TRERF1: variants seen among roughly 807,000 people sequenced by gnomAD.
TRERF1 encodes the protein transcriptional regulating factor 1, also known as transcriptional-regulating factor 1.
In TRERF1, 27 loss-of-function variants were observed where a neutral mutation model predicts 122.9. That is an observed-to-expected ratio of 0.22 (90% CI 0.16 to 0.30). The LOEUF is 0.30. TRERF1 is among the 10% of genes least tolerant of loss of function. The pLI is 1.00. For synonymous variants in TRERF1, 636 were observed against 641.7 expected (o/e 0.99, Z 0.13); for missense variants, 1,248 against 1,560.3 (o/e 0.80, Z 3.37).
In TRERF1 at chr6:42,268,856, C is replaced by A. The variant is rs534232936; in HGVS notation, c.735G>T (p.Val245=). Residue 245 remains valine, a synonymous_variant, in exon 5 of 18, where the codon GTG becomes GTT. Transcript: ENST00000372922. The surrounding 1 kb of genome is among the most constrained non-coding windows in gnomAD (Gnocchi z 4.4). The stretch of plus-strand genomic sequence containing the variant: ...GGGCCTGCAGTGGCTGTCCTCCCTG[C>A]ACTGGCACCTGAGCCAGAGGCTGCT... 1.2e-6 allele frequency: 2 copies of A among 1,614,144 alleles called. No individual in the cohort carries two copies. The highest frequency in any genetic ancestry group is 1.1e-5 in the South Asian group (1 of 91,088).
chr6:42,282,508 A>G lies in TRERF1; in HGVS notation c.-258-12660T>C, dbSNP rs1391518316. On this transcript the variant is annotated intron_variant, in intron 4 of 17. Transcript: ENST00000372922. ...GGCTGCAGTGAGCCATGATGGCGCC[A>G]TTGCATTCCAGCCTGGGTGACAGAG... 3.3e-5 allele frequency among the ~76,000 whole-genome samples: 5 copies of G among 152,200 alleles called. No individual in the cohort carries two copies. The East Asian group carries it at 7.7e-4, about 23-fold the overall frequency.
chr6:42,415,640 T>C (rs992720853), intron 2 of TRERF1, among the ~76,000 whole-genome samples: 5 of 152,320 alleles, frequency 3.3e-5, no homozygotes, highest in African/African-American at 1.2e-4. Flanking sequence ...ACATTTGAAA[T>C]ACTGCGTTTA....
chr6:42,327,356 G>C (rs1764470331), intron 3 of TRERF1, among the ~76,000 whole-genome samples: 1 of 152,206 alleles, frequency 6.6e-6, no homozygotes, highest in African/African-American at 2.4e-5. Context: ...GTAAAATAAA[G>C]CACAGGTATC....
rs150351937 is a variant in TRERF1, at chr6:42,320,370, T to C, written c.-370-19621A>G. ...TAGCCTATTGGCTCTTACATTGACATAGGACAACAATTTAAACAGATTCAA... is the reference window on the plus strand; with the variant it reads ...TAGCCTATTGGCTCTTACATTGACACAGGACAACAATTTAAACAGATTCAA... On this transcript the variant is annotated intron_variant, in intron 3 of 17. Coordinates refer to ENST00000372922, the Ensembl canonical transcript of TRERF1. Among the ~76,000 whole-genome samples the C allele has an allele frequency of 7.9e-5, 12 of 152,270 alleles. No homozygotes were observed. The East Asian group carries it at 2.3e-3, about 29-fold the overall frequency.
chr6:42,421,201 G>A (rs1013492666), intron 2 of TRERF1, among the ~76,000 whole-genome samples: 2 of 152,208 alleles, frequency 1.3e-5, no homozygotes, highest in Non-Finnish European at 2.9e-5. Context: ...ACTTGGCAAA[G>A]TGCCTTCCAT....
intron 17 of TRERF1, among the ~76,000 whole-genome samples, chr6:42,229,071 C>T (rs1264226720): frequency 6.6e-6 from 1 of 152,204 alleles, no homozygotes; most frequent in Non-Finnish European, 1.5e-5. Flanking sequence ...TGAAACAACC[C>T]ACCATCTGCC....
intron 2 of TRERF1, among the ~76,000 whole-genome samples, chr6:42,407,802 C>T (rs1050508541): frequency 1.9e-4 from 29 of 151,668 alleles, no homozygotes; most frequent in African/African-American, 6.8e-4. Context: ...TCAAATAAGC[C>T]CTATACCTGT....
intron 3 of TRERF1, among the ~76,000 whole-genome samples, chr6:42,308,006 A>T (rs946379958): frequency 1.3e-5 from 2 of 152,250 alleles, no homozygotes; most frequent in African/African-American, 2.4e-5. Flanking sequence ...CACCCTATGC[A>T]TTCCCAGTAG....
intron 5 of TRERF1, 51 bp from the exon 6 acceptor site, chr6:42,265,848 T>C (rs1330462882): frequency 6.3e-7 from 1 of 1,592,632 alleles, no homozygotes; most frequent in Non-Finnish European, 8.6e-7. Context: ...AAAAAACGTG[T>C]TCTGAAGGGA....
At chr6:42,397,623 A>G (rs1778816598) in intron 2 of TRERF1, among the ~76,000 whole-genome samples, 1 of 152,128 alleles carries the variant, frequency 6.6e-6, no homozygotes, top group Non-Finnish European at 1.5e-5. Context: ...TTGTCTTTTC[A>G]GGTTTCATGG....
At chr6:42,314,568 A>C (rs1762183178) in intron 3 of TRERF1, among the ~76,000 whole-genome samples, 1 of 152,236 alleles carries the variant, frequency 6.6e-6, no homozygotes, top group South Asian at 2.1e-4. Flanking sequence ...TGGAGATTTC[A>C]TTTTAATAGG....
At chr6:42,400,392 G>A (rs1779215649) in intron 2 of TRERF1, among the ~76,000 whole-genome samples, 1 of 152,218 alleles carries the variant, frequency 6.6e-6, no homozygotes, top group African/African-American at 2.4e-5. Context: ...TAACTATCCT[G>A]TGAGGTGGGG....
intron 4 of TRERF1, among the ~76,000 whole-genome samples, chr6:42,288,255 C>T (rs966673719): frequency 6.6e-6 from 1 of 151,860 alleles, no homozygotes; most frequent in African/African-American, 2.4e-5. Context: ...TAATTTTACA[C>T]CTGTCATGAG....
intron 3 of TRERF1, among the ~76,000 whole-genome samples, chr6:42,322,954 C>T (rs1484407381): frequency 2.0e-5 from 3 of 151,916 alleles, no homozygotes; most frequent in African/African-American, 7.3e-5. Flanking sequence ...GTCTCCCAGG[C>T]CACAGCAGGG....
intron 3 of TRERF1, among the ~76,000 whole-genome samples, chr6:42,336,099 G>A (rs1268331518): frequency 6.6e-6 from 1 of 152,300 alleles, no homozygotes; most frequent in East Asian, 1.9e-4. Flanking sequence ...TACCACATGG[G>A]ACAGCGCAGG....
chr6:42,285,215 T>C (rs906308051), intron 4 of TRERF1, among the ~76,000 whole-genome samples: 1 of 152,126 alleles, frequency 6.6e-6, no homozygotes, highest in Non-Finnish European at 1.5e-5. Context: ...GTAAGTTGGA[T>C]TCCTAGGTAT....
intron 2 of TRERF1, among the ~76,000 whole-genome samples, chr6:42,416,805 A>C (rs542599588): frequency 6.6e-6 from 1 of 152,338 alleles, no homozygotes; most frequent in African/African-American, 2.4e-5. Flanking sequence ...TCCTGGGACT[A>C]TTTTAAGGAA....
rs1450547182 is a variant in TRERF1 at position 42,276,076 on chromosome 6, G to C, written c.-258-6228C>G. On this transcript the variant is annotated intron_variant, in intron 4 of 17. Coordinates refer to ENST00000372922, the Ensembl canonical transcript of TRERF1. The surrounding 1 kb of genome is among the most constrained non-coding windows in gnomAD (Gnocchi z 4.3). ...GCAGTACAAGAATAGGTGTGGGCTG[G>C]ATCTGGCCTGACCCATGGTTTGCTT... 6.6e-6 allele frequency among the ~76,000 whole-genome samples: 1 copy of C among 152,190 alleles called. No homozygotes were observed. Among genetic ancestry groups the C allele is most frequent in the East Asian group, 1.9e-4 (1 of 5,190 alleles).
chr6:42,225,932 G>A (rs1562084892), exon 18 of TRERF1: 1 of 152,042 alleles, frequency 6.6e-6, no homozygotes, highest in African/African-American at 2.4e-5. Flanking sequence ...AACAGTAACC[G>A]AGTTGAGACA....
Sources: allele counts gnomAD v4.1 joint callset (sites outside exome capture counted in the v4.1 genomes callset), GRCh38; gene constraint gnomAD v4.1.1; non-coding constraint Gnocchi (gnomAD v3.1); transcripts MANE v1.5; gene names NCBI Gene and HGNC (gene_info 2026-07-23, HGNC 2026-07-21).